Variants in EPHB6 observed in about 807,000 individuals in gnomAD.
The protein encoded by EPHB6 is EPH receptor B6, also known as ephrin type-B receptor 6.
Under a neutral mutation model 107.0 loss-of-function variants are expected in EPHB6, and 51 were observed. That is an observed-to-expected ratio of 0.48 (90% CI 0.38 to 0.60). The LOEUF is 0.60. EPHB6 is among the 20% of genes least tolerant of loss of function. The pLI, the probability that EPHB6 is intolerant of heterozygous loss-of-function variation, is 0.00. For synonymous variants in EPHB6, 553 were observed against 549.0 expected (o/e 1.01, Z -0.10); for missense variants, 1,141 against 1,355.5 (o/e 0.84, Z 2.48).
intron 8 of EPHB6, 118 bp from the exon 9 acceptor site, chr7:142,865,842 C>G: frequency 8.2e-7 from 1 of 1,216,378 alleles, no homozygotes. Flanking sequence ...ACCCCCACCC[C>G]ACGCTCTTCT....
At chr7:142,858,205 A>G (rs1311029023) in intron 1 of EPHB6, among the ~76,000 whole-genome samples, 1 of 152,104 alleles carries the variant, frequency 6.6e-6, no homozygotes, top group Non-Finnish European at 1.5e-5. Context: ...ACAGTAACCC[A>G]TTTTAATGGC....
At chr7:142,860,491 G>A (rs1412496338) in intron 1 of EPHB6, among the ~76,000 whole-genome samples, 5 of 152,160 alleles carry the variant, frequency 3.3e-5, no homozygotes, top group African/African-American at 9.7e-5. Context: ...CACTGGTGAC[G>A]GTGCCAAGGT....
chr7:142,861,368 A>G (rs1184026070), intron 2 of EPHB6, among the ~76,000 whole-genome samples, 182 bp downstream of exon 2: 1 of 152,250 alleles, frequency 6.6e-6, no homozygotes, highest in Non-Finnish European at 1.5e-5. Context: ...GAAAATTTTA[A>G]TCAATGATTT....
rs1029420376 is a variant in EPHB6, at chr7:142,869,520, T to C, written c.2461-297T>C. ...TTCACTTTCTCTAAGCTTCACCTTC[T>C]GCTTCTGTGAAATGGAGATAATATC... is the stretch of plus-strand genomic sequence containing the variant. On this transcript the variant is annotated intron_variant, in intron 16 of 19. Coordinates refer to ENST00000652003, the MANE Select transcript of EPHB6 (RefSeq NM_004445.6). This position sits in a 1 kb window ranked among gnomAD's most constrained non-coding sequence, Gnocchi z 4.5. Among the ~76,000 whole-genome samples the C allele has an allele frequency of 1.3e-5, 2 of 152,242 alleles. No homozygotes were observed. The highest frequency in any genetic ancestry group is 2.4e-5 in the African/African-American group (1 of 41,452).
intron 7 of EPHB6, 116 bp from the exon 8 acceptor site, chr7:142,865,359 G>T: frequency 1.5e-6 from 2 of 1,372,804 alleles, no homozygotes; most frequent in East Asian, 2.4e-5. Flanking sequence ...TGGAAGAAAA[G>T]GAGAACCAGC....
chr7:142,867,909 C>G lies in EPHB6; in HGVS notation c.1866-88C>G. On this transcript the variant is annotated intron_variant, in intron 12 of 19. Coordinates refer to ENST00000652003, the MANE Select transcript of EPHB6 (RefSeq NM_004445.6). This position sits in a 1 kb window ranked among gnomAD's most constrained non-coding sequence, Gnocchi z 5.3. Reference sequence around the variant, plus strand: ...AGGCTGTCGTCCCCCCTCCACAGACCGACTAAAGAGCAGTCTGGAGGGTGA... The same window carrying G: ...AGGCTGTCGTCCCCCCTCCACAGACGGACTAAAGAGCAGTCTGGAGGGTGA... 1 of 1,534,528 alleles carries G rather than the reference C, an allele frequency of 6.5e-7. No individual in the cohort carries two copies. Among genetic ancestry groups the G allele is most frequent in the Non-Finnish European group, 8.8e-7 (1 of 1,133,768 alleles).
chr7:142,868,125 C>A lies in EPHB6; in HGVS notation c.1918+76C>A. ...CACATGGCAGGCAAGGCTGGATCCC[C>A]CCAAGATTGGGGGAGCTCCTTGGCA... On this transcript the variant is annotated intron_variant, in intron 13 of 19. Transcript: ENST00000652003. This position sits in a 1 kb window ranked among gnomAD's most constrained non-coding sequence, Gnocchi z 4.2. 2 of 1,613,772 alleles carry A rather than the reference C, an allele frequency of 1.2e-6. No homozygotes were observed. Among genetic ancestry groups the A allele is most frequent in the Non-Finnish European group, 1.7e-6 (2 of 1,179,776 alleles).
At chr7:142,859,197 G>C (rs1802740544) in intron 1 of EPHB6, among the ~76,000 whole-genome samples, 1 of 152,200 alleles carries the variant, frequency 6.6e-6, no homozygotes, top group Non-Finnish European at 1.5e-5. Flanking sequence ...TGTGAGAGAG[G>C]AGCAAGGGGC....
rs757321011 is a variant in EPHB6, at chr7:142,870,319, C to A, written c.2716C>A (p.Arg906=). The part of the protein sequence containing the change: ...LDTWQKDRAR[R]PHFDQLVAAF... ...CACTTGGCAGAAGGACCGTGCCCGG[C>A]GGCCTCATTTTGACCAGCTGGTGGC... Residue 906 remains arginine, a synonymous_variant, in exon 18 of 20, where the codon CGG becomes AGG. Coordinates refer to ENST00000652003, the MANE Select transcript of EPHB6 (RefSeq NM_004445.6). The A allele has an allele frequency of 1.9e-6, 3 of 1,614,110 alleles. No individual in the cohort carries two copies. The highest frequency in any genetic ancestry group is 1.3e-5 in the African/African-American group (1 of 74,932).
chr7:142,859,407 C>G (rs1182937324), intron 1 of EPHB6, among the ~76,000 whole-genome samples: 2 of 152,234 alleles, frequency 1.3e-5, no homozygotes, highest in Admixed American at 1.3e-4. Flanking sequence ...ACTTATGTTT[C>G]TGCCTTTGAA....
chr7:142,867,144 G>A lies in EPHB6; in HGVS notation c.1750+76G>A. ...TGAGGAGAGGCCCAGGGACTGTCCGGCCTTGAACCCTGGCCCCGTGCTTCC... is the reference window on the plus strand; with the variant it reads ...TGAGGAGAGGCCCAGGGACTGTCCGACCTTGAACCCTGGCCCCGTGCTTCC... On this transcript the variant is annotated intron_variant, in intron 11 of 19. Coordinates refer to ENST00000652003, the MANE Select transcript of EPHB6 (RefSeq NM_004445.6). The surrounding 1 kb of genome is among the most constrained non-coding windows in gnomAD (Gnocchi z 5.3). 1 of 1,539,526 alleles carries A rather than the reference G, an allele frequency of 6.5e-7. No individual in the cohort carries two copies. The highest frequency in any genetic ancestry group is 8.8e-7 in the Non-Finnish European group (1 of 1,140,602).
At position 142,866,629 on chromosome 7, in the gene EPHB6, C is replaced by T. The variant is rs200554467; in HGVS notation, c.1587+24C>T. 3.8e-5 allele frequency: 61 copies of T among 1,613,672 alleles called. No homozygotes were observed. The highest frequency in any genetic ancestry group is 2.9e-4 in the African/African-American group (22 of 74,994). On this transcript the variant is annotated intron_variant, in intron 10 of 19. Transcript: ENST00000652003. The surrounding 1 kb of genome is among the most constrained non-coding windows in gnomAD (Gnocchi z 5.2). ...AGGTGCGCAGGAGGAGTGGGGGTTC[C>T]GCAGTAGGGCTGGTAGGAGCTCATA...
Position 142,869,242 on chromosome 7 carries a change from C to A in EPHB6, c.2460+95C>A. 7.0e-7 allele frequency: 1 copy of A among 1,426,804 alleles called. No individual in the cohort carries two copies. The highest frequency in any genetic ancestry group is 9.7e-7 in the Non-Finnish European group (1 of 1,030,598). 88.4% of individuals were successfully genotyped at this position (1,426,804 alleles called of 1,614,324 possible). The stretch of plus-strand genomic sequence containing the variant: ...GTGAGCTGGAATCTGGGGTAGGTAC[C>A]TCAGCCGGGGTGTCATAGTCCCTGA... On this transcript the variant is annotated intron_variant, in intron 16 of 19. Coordinates refer to ENST00000652003, the MANE Select transcript of EPHB6 (RefSeq NM_004445.6). This position sits in a 1 kb window ranked among gnomAD's most constrained non-coding sequence, Gnocchi z 4.5.
chr7:142,870,340 G>A lies in EPHB6; in HGVS notation c.2737G>A (p.Val913Met), dbSNP rs1794844038. 1 of 1,614,220 alleles carries A rather than the reference G, an allele frequency of 6.2e-7. No individual in the cohort carries two copies. The highest frequency in any genetic ancestry group is 8.5e-7 in the Non-Finnish European group (1 of 1,180,040). ...RARRPHFDQL[V>M]AAFDKMIRKP... ...CCGGCGGCCTCATTTTGACCAGCTG[G>A]TGGCTGCATTTGACAAGATGATCCG... is the stretch of plus-strand genomic sequence containing the variant. Residue 913 changes from valine (V) to methionine (M), a missense_variant, in exon 18 of 20, where the codon GTG (valine) becomes ATG (methionine). Val to Met is a conservative substitution (Grantham distance 21). Transcript: ENST00000652003.
chr7:142,860,150 A>G (rs1415244653), intron 1 of EPHB6, among the ~76,000 whole-genome samples: 1 of 152,200 alleles, frequency 6.6e-6, no homozygotes, highest in African/African-American at 2.4e-5. Flanking sequence ...CAAAATATTT[A>G]TTGTTCCTTC....
In EPHB6 at chr7:142,870,086, A is replaced by C. The variant is rs575986383; in HGVS notation, c.2610+120A>C. On this transcript the variant is annotated intron_variant, in intron 17 of 19. Coordinates refer to ENST00000652003, the MANE Select transcript of EPHB6 (RefSeq NM_004445.6). ...AAGATCTCATGGCTGTTGGATTGCCATATCTTTGAGTTCCTTCTCCACTCC... is the reference window on the plus strand; with the variant it reads ...AAGATCTCATGGCTGTTGGATTGCCCTATCTTTGAGTTCCTTCTCCACTCC... The C allele has an allele frequency of 2.0e-4, 310 of 1,587,734 alleles. 1 individual carries two copies. The East Asian group carries it at 5.5e-3, about 28-fold the overall frequency.
At position 142,864,485 on chromosome 7, in the gene EPHB6, T is replaced by G; in HGVS notation, c.685T>G (p.Phe229Val). The G allele has an allele frequency of 6.2e-7, 1 of 1,613,290 alleles. No homozygotes were observed. Among genetic ancestry groups the G allele is most frequent in the Non-Finnish European group, 8.5e-7 (1 of 1,179,964 alleles). Residue 229 changes from phenylalanine (F) to valine (V), a missense_variant, in exon 7 of 20, where the codon TTC (phenylalanine) becomes GTC (valine). By Grantham distance (50) the Phe-to-Val change is conservative. Around this residue, in one of 3 missense-constraint regions of EPHB6, gnomAD observed 304 missense variants for 295.7 expected, o/e 1.03. Coordinates refer to ENST00000652003, the MANE Select transcript of EPHB6 (RefSeq NM_004445.6). ...ACLALVAVRLFSYTCPAVLRS... is the reference protein window; with the variant it reads ...ACLALVAVRLVSYTCPAVLRS... The stretch of plus-strand genomic sequence containing the variant: ...CCTGGCCCTGGTCGCTGTCAGGCTC[T>G]TCTCCTACACCTGCCCTGCCGTGCT...
Position 142,866,680 on chromosome 7 carries a change from A to T in EPHB6, c.1587+75A>T. On this transcript the variant is annotated intron_variant, in intron 10 of 19. Transcript: ENST00000652003. This position sits in a 1 kb window ranked among gnomAD's most constrained non-coding sequence, Gnocchi z 5.2. ...GGCCTCACAGTGGGGCCCAGAGGTG[A>T]CCAGGTGCACAGGAGGAATGAGGGG... 1 of 1,610,850 alleles carries T rather than the reference A, an allele frequency of 6.2e-7. No homozygotes were observed. The highest frequency in any genetic ancestry group is 8.5e-7 in the Non-Finnish European group (1 of 1,179,210).
At position 142,868,838 on chromosome 7, in the gene EPHB6, T is replaced by C; in HGVS notation, c.2286+99T>C. The C allele has an allele frequency of 6.2e-7, 1 of 1,603,968 alleles. No individual in the cohort carries two copies. Among genetic ancestry groups the C allele is most frequent in the Non-Finnish European group, 8.5e-7 (1 of 1,176,072 alleles). On this transcript the variant is annotated intron_variant, in intron 15 of 19. Coordinates refer to ENST00000652003, the MANE Select transcript of EPHB6 (RefSeq NM_004445.6). This position sits in a 1 kb window ranked among gnomAD's most constrained non-coding sequence, Gnocchi z 4.2. ...TTGCTTCTTACCACCCCACCTTCCATGGTCTCCGTCCTTCCTTCCCAGCCA... is the reference window on the plus strand; with the variant it reads ...TTGCTTCTTACCACCCCACCTTCCACGGTCTCCGTCCTTCCTTCCCAGCCA...
Sources: allele counts gnomAD v4.1 joint callset (sites outside exome capture counted in the v4.1 genomes callset), GRCh38; gene constraint gnomAD v4.1.1; regional missense constraint gnomAD v4.1.1; non-coding constraint Gnocchi (gnomAD v3.1); transcripts MANE v1.5; gene names NCBI Gene and HGNC (gene_info 2026-07-23, HGNC 2026-07-21).